Variants in SPTLC3 observed in about 807,000 individuals in gnomAD.
SPTLC3 encodes serine palmitoyltransferase long chain base subunit 3.
In SPTLC3, 36 loss-of-function variants were observed where a neutral mutation model predicts 59.3. The observed-to-expected ratio is 0.61, with a 90% CI of 0.47 to 0.80. The LOEUF is 0.80. SPTLC3 is among the 30% of genes least tolerant of loss of function. SPTLC3 has a pLI of 0.00. For missense variants in SPTLC3, 625 were observed against 685.1 expected, an observed-to-expected ratio of 0.91 and a Z score of 0.98; for synonymous variants, 257 against 240.8, an observed-to-expected ratio of 1.07 and a Z score of -0.62.
At chr20:13,060,309 G>A in intron 2 of SPTLC3, among the ~76,000 whole-genome samples, 1 of 152,082 alleles carries the variant, frequency 6.6e-6, no homozygotes, top group East Asian at 1.9e-4. Flanking sequence ...TCTGATTATA[G>A]TTTACAGAAG....
intron 1 of SPTLC3, among the ~76,000 whole-genome samples, chr20:13,039,210 A>G (rs2122464035): frequency 6.6e-6 from 1 of 152,130 alleles, no homozygotes; most frequent in Non-Finnish European, 1.5e-5. Flanking sequence ...TTCATTATTG[A>G]AAGCAACATA....
chr20:13,090,120 C>A (rs928172682), intron 4 of SPTLC3, among the ~76,000 whole-genome samples: 2 of 152,094 alleles, frequency 1.3e-5, no homozygotes, highest in Non-Finnish European at 2.9e-5. Context: ...ACAGAAAATA[C>A]GGGCAGCATC....
At chr20:13,119,523 T>A (rs1050340594) in intron 8 of SPTLC3, among the ~76,000 whole-genome samples, 4 of 152,230 alleles carry the variant, frequency 2.6e-5, no homozygotes, top group Non-Finnish European at 5.9e-5. Context: ...TTAATCGGGA[T>A]GCAGAAAAAG....
At chr20:13,049,293 G>A in intron 2 of SPTLC3, 163 bp downstream of exon 2, 2 of 749,034 alleles carry the variant, frequency 2.7e-6, no homozygotes, top group South Asian at 3.1e-5. Context: ...TTACCCATGG[G>A]CTTATGGACC....
At chr20:13,105,535 T>C (rs1171505691) in intron 6 of SPTLC3, among the ~76,000 whole-genome samples, 1 of 152,232 alleles carries the variant, frequency 6.6e-6, no homozygotes, top group East Asian at 1.9e-4. Flanking sequence ...GGACTCGTGG[T>C]GTTCATTTTA....
At chr20:13,152,700 T>G (rs1219033111) in intron 9 of SPTLC3, among the ~76,000 whole-genome samples, 1 of 152,172 alleles carries the variant, frequency 6.6e-6, no homozygotes, top group Non-Finnish European at 1.5e-5. Flanking sequence ...TTCCAACTGA[T>G]TAAGACTGGC....
At chr20:13,017,378 C>T (rs548096774) in intron 1 of SPTLC3, among the ~76,000 whole-genome samples, 1 of 152,298 alleles carries the variant, frequency 6.6e-6, no homozygotes, top group South Asian at 2.1e-4. Context: ...TGGACTCACA[C>T]TTAGCCCCAG....
At chr20:13,134,907 A>G (rs541992300) in intron 9 of SPTLC3, among the ~76,000 whole-genome samples, 6 of 152,360 alleles carry the variant, frequency 3.9e-5, no homozygotes, top group South Asian at 4.1e-4. Flanking sequence ...AGTTACTACT[A>G]GCACCTTGCC....
At chr20:13,071,676 G>A (rs1304635197) in intron 2 of SPTLC3, among the ~76,000 whole-genome samples, 6 of 152,154 alleles carry the variant, frequency 3.9e-5, no homozygotes, top group Non-Finnish European at 8.8e-5. Context: ...TTAAGCCTCA[G>A]CTAGATTGCA....
intron 4 of SPTLC3, among the ~76,000 whole-genome samples, chr20:13,083,926 T>C (rs1988924362): frequency 6.6e-6 from 1 of 152,180 alleles, no homozygotes; most frequent in Non-Finnish European, 1.5e-5. Flanking sequence ...TGTTGGAGAC[T>C]GAGGAGTCTA....
At chr20:13,118,975 C>T (rs1990749613) in intron 8 of SPTLC3, among the ~76,000 whole-genome samples, 1 of 152,204 alleles carries the variant, frequency 6.6e-6, no homozygotes, top group Non-Finnish European at 1.5e-5. Context: ...TTTTTCATCC[C>T]CTCTTCACTG....
chr20:13,015,959 G>A (rs1031346890), intron 1 of SPTLC3, among the ~76,000 whole-genome samples: 3 of 151,796 alleles, frequency 2.0e-5, no homozygotes, highest in African/African-American at 7.3e-5. Flanking sequence ...TTTCTGCATG[G>A]CAAAAACAAA....
rs1326675157 is a variant in SPTLC3, at chr20:13,167,580, G to C, written c.*2713G>C. ...GACCTCAGGAAAGCAGAAGATAAAG[G>C]TTCCAGATGATATTTGTAAGGAGGC... is the stretch of plus-strand genomic sequence containing the variant. On this transcript the variant is annotated 3_prime_UTR_variant, in exon 12 of 12. Coordinates refer to ENST00000399002, the MANE Select transcript of SPTLC3 (RefSeq NM_018327.4). 1.3e-5 allele frequency: 2 copies of C among 152,142 alleles called. No homozygotes were observed. The highest frequency in any genetic ancestry group is 4.8e-5 in the African/African-American group (2 of 41,426). 9.4% of individuals were successfully genotyped at this position (152,142 alleles called of 1,614,324 possible). A position where few individuals can be genotyped will look rare whatever the true frequency, so the allele number is the denominator to read the frequency against.
chr20:13,047,098 G>A (rs879272553), intron 1 of SPTLC3, among the ~76,000 whole-genome samples: 1 of 152,138 alleles, frequency 6.6e-6, no homozygotes, highest in Non-Finnish European at 1.5e-5. Context: ...TCAAATTTTA[G>A]ATATCACTAT....
At chr20:13,138,663 A>G (rs2038309826) in intron 9 of SPTLC3, among the ~76,000 whole-genome samples, 1 of 152,222 alleles carries the variant, frequency 6.6e-6, no homozygotes, top group South Asian at 2.1e-4. Flanking sequence ...GGTTACTTAT[A>G]GAATTATTTT....
intron 8 of SPTLC3, among the ~76,000 whole-genome samples, chr20:13,119,216 C>T (rs568853906): frequency 7.2e-5 from 11 of 152,328 alleles, no homozygotes; most frequent in Middle Eastern, 3.4e-3. Flanking sequence ...TTTAACGAAG[C>T]ATAACTCTAC....
chr20:13,147,351 T>C (rs1207280865), intron 9 of SPTLC3, among the ~76,000 whole-genome samples: 2 of 152,222 alleles, frequency 1.3e-5, no homozygotes, highest in African/African-American at 2.4e-5. Context: ...GTGATTCTTA[T>C]GATTCTTGCT....
At chr20:13,076,294 C>T (rs756470488) in intron 4 of SPTLC3, among the ~76,000 whole-genome samples, 8 of 152,074 alleles carry the variant, frequency 5.3e-5, no homozygotes, top group Non-Finnish European at 7.4e-5. Context: ...TTAGGAGTAG[C>T]GTGATTCTGA....
chr20:13,158,675 T>A (rs1376269192), intron 10 of SPTLC3, among the ~76,000 whole-genome samples: 1 of 152,194 alleles, frequency 6.6e-6, no homozygotes, highest in African/African-American at 2.4e-5. Flanking sequence ...CTTCATCTCC[T>A]TCTAACCTTC....
Sources: allele counts gnomAD v4.1 joint callset (sites outside exome capture counted in the v4.1 genomes callset), GRCh38; gene constraint gnomAD v4.1.1; transcripts MANE v1.5; gene names NCBI Gene and HGNC (gene_info 2026-07-23, HGNC 2026-07-21).